The following RFX3 variants were observed in gnomAD, a reference collection of about 807,000 sequenced individuals.
RFX3 encodes transcription factor RFX3.
Under a neutral mutation model 98.6 loss-of-function variants are expected in RFX3, and 14 were observed. The observed-to-expected ratio is 0.14, with a 90% CI of 0.09 to 0.22. RFX3 has a LOEUF of 0.22. Among genes scored for constraint, RFX3 ranks in the 10% least tolerant of loss-of-function variants. RFX3 has a pLI of 1.00. For missense variants in RFX3, 639 were observed against 926.9 expected, an observed-to-expected ratio of 0.69 and a Z score of 4.03; for synonymous variants, 383 against 328.4, an observed-to-expected ratio of 1.17 and a Z score of -1.80.
chr9:3,244,146 G>C (rs1820323553), intron 15 of RFX3, among the ~76,000 whole-genome samples: 1 of 151,916 alleles, frequency 6.6e-6, no homozygotes, highest in South Asian at 2.1e-4. Flanking sequence ...GGGACTACAG[G>C]CACATGCCAC....
intron 1 of RFX3, among the ~76,000 whole-genome samples, chr9:3,471,650 G>A (rs1001201206): frequency 6.6e-6 from 1 of 152,130 alleles, no homozygotes; most frequent in South Asian, 2.1e-4. Flanking sequence ...AGACTTTTAA[G>A]AAAATTCTCA....
At chr9:3,507,200 A>C (rs1817188547) in intron 1 of RFX3, among the ~76,000 whole-genome samples, 1 of 151,960 alleles carries the variant, frequency 6.6e-6, no homozygotes, top group African/African-American at 2.4e-5. Context: ...AGAGATAATA[A>C]GAAATTACTA....
chr9:3,462,004 G>C (rs187178074), intron 1 of RFX3, among the ~76,000 whole-genome samples: 1 of 151,962 alleles, frequency 6.6e-6, no homozygotes, highest in Non-Finnish European at 1.5e-5. Context: ...GAACTTTTGT[G>C]TTTTCCGATT....
At chr9:3,405,791 A>T (rs1170771567) in intron 1 of RFX3, among the ~76,000 whole-genome samples, 1 of 152,154 alleles carries the variant, frequency 6.6e-6, no homozygotes, top group Non-Finnish European at 1.5e-5. Context: ...ACTACCTATA[A>T]TAGGTTCTCA....
intron 1 of RFX3, among the ~76,000 whole-genome samples, chr9:3,512,280 A>C (rs1415381781): frequency 6.6e-6 from 1 of 152,176 alleles, no homozygotes; most frequent in African/African-American, 2.4e-5. Flanking sequence ...CAAATATTTC[A>C]AATTATATAG....
chr9:3,280,207 C>T (rs1259451153), intron 7 of RFX3, among the ~76,000 whole-genome samples: 1 of 151,686 alleles, frequency 6.6e-6, no homozygotes, highest in Non-Finnish European at 1.5e-5. Context: ...TGTTATGCCT[C>T]CTGGGAAAAG....
chr9:3,258,002 T>C (rs1563813778), intron 13 of RFX3, among the ~76,000 whole-genome samples: 1 of 152,180 alleles, frequency 6.6e-6, no homozygotes, highest in Non-Finnish European at 1.5e-5. Context: ...TCCAGTGCTA[T>C]GTTGTATTTT....
chr9:3,236,918 G>A (rs1819233972), intron 15 of RFX3, among the ~76,000 whole-genome samples: 1 of 152,190 alleles, frequency 6.6e-6, no homozygotes, highest in African/African-American at 2.4e-5. Context: ...TGAATCATTT[G>A]CTCTAGGAAA....
At chr9:3,399,232 C>G (rs998837257) in intron 1 of RFX3, among the ~76,000 whole-genome samples, 2 of 145,474 alleles carry the variant, frequency 1.4e-5, no homozygotes, top group African/African-American at 5.1e-5. Context: ...GTCAGGAGTT[C>G]AAGACCACCC....
At chr9:3,320,866 G>A (rs1831216037) in intron 4 of RFX3, among the ~76,000 whole-genome samples, 1 of 144,558 alleles carries the variant, frequency 6.9e-6, no homozygotes, top group Non-Finnish European at 1.5e-5. Flanking sequence ...AAGTACTAAC[G>A]TTTATTTGCA....
At chr9:3,338,391 T>C (rs1429910931) in intron 3 of RFX3, among the ~76,000 whole-genome samples, 1 of 152,260 alleles carries the variant, frequency 6.6e-6, no homozygotes, top group Non-Finnish European at 1.5e-5. Flanking sequence ...AATAACTTAC[T>C]GAGTTTTCTC....
intron 3 of RFX3, among the ~76,000 whole-genome samples, chr9:3,335,758 C>T (rs925391850): frequency 2.0e-5 from 3 of 152,010 alleles, no homozygotes; most frequent in African/African-American, 7.2e-5. Flanking sequence ...GTATACTTGC[C>T]GACAGAAGCT....
intron 2 of RFX3, among the ~76,000 whole-genome samples, chr9:3,387,924 G>A (rs1564026982): frequency 6.6e-6 from 1 of 152,096 alleles, no homozygotes. Context: ...AAGAATGATG[G>A]AGTGCACTAT....
At chr9:3,429,214 G>A (rs1022140017) in intron 1 of RFX3, among the ~76,000 whole-genome samples, 2 of 150,538 alleles carry the variant, frequency 1.3e-5, no homozygotes, top group African/African-American at 2.4e-5. Context: ...AGTAGAAACG[G>A]GGTTTCACCG....
At chr9:3,447,881 C>T (rs1351025902) in intron 1 of RFX3, among the ~76,000 whole-genome samples, 1 of 152,098 alleles carries the variant, frequency 6.6e-6, no homozygotes, top group Non-Finnish European at 1.5e-5. Context: ...TGCTAAAAGT[C>T]CCTTGTCTGC....
chr9:3,259,348 T>C (rs2131155407), intron 13 of RFX3, among the ~76,000 whole-genome samples: 1 of 152,162 alleles, frequency 6.6e-6, no homozygotes, highest in East Asian at 1.9e-4. Context: ...TTATTCTGGC[T>C]TTTCAAACTA....
intron 2 of RFX3, among the ~76,000 whole-genome samples, chr9:3,378,660 G>A (rs751516431): frequency 6.7e-6 from 1 of 150,056 alleles, no homozygotes; most frequent in Admixed American, 6.7e-5. Context: ...GGGTTCAAGC[G>A]ATTCTCCTGC....
At chr9:3,276,477 T>C (rs1039353181) in intron 8 of RFX3, among the ~76,000 whole-genome samples, 2 of 152,118 alleles carry the variant, frequency 1.3e-5, no homozygotes, top group Non-Finnish European at 2.9e-5. Context: ...ATCCAGAATA[T>C]GCTTAGTTTT....
intron 1 of RFX3, among the ~76,000 whole-genome samples, chr9:3,501,961 A>T (rs560741177): frequency 6.6e-6 from 1 of 151,996 alleles, no homozygotes; most frequent in East Asian, 1.9e-4. Context: ...TCTATCAAAA[A>T]TCACTTTCGG....
Sources: allele counts gnomAD v4.1 joint callset (sites outside exome capture counted in the v4.1 genomes callset), GRCh38; gene constraint gnomAD v4.1.1; transcripts MANE v1.5; gene names NCBI Gene and HGNC (gene_info 2026-07-23, HGNC 2026-07-21).